Variants in MTIF2 observed in about 807,000 individuals in gnomAD.
MTIF2 encodes translation initiation factor IF-2, mitochondrial.
A neutral mutation model predicts 83.5 loss-of-function variants in MTIF2; 71 were observed. The ratio of observed to expected loss-of-function variants is 0.85; its 90% CI spans 0.70 to 1.04. MTIF2 has a LOEUF of 1.04. MTIF2 is among the 50% of genes least tolerant of loss of function. The probability of loss-of-function intolerance (pLI) is 0.00; values close to 1 mark genes in which losing one functional copy is unlikely to be tolerated. For synonymous variants in MTIF2, 319 were observed against 287.1 expected, an observed-to-expected ratio of 1.11 and a Z score of -1.12; for missense variants, 957 against 846.5, an observed-to-expected ratio of 1.13 and a Z score of -1.62.
intron 13 of MTIF2, among the ~76,000 whole-genome samples, chr2:55,241,247 G>A (rs1158881531): frequency 6.6e-6 from 1 of 150,892 alleles, no homozygotes; most frequent in Non-Finnish European, 1.5e-5. Context: ...GTGACACCCT[G>A]TCTCTACTAA....
chr2:55,259,017 T>A (rs1270555589), intron 5 of MTIF2, among the ~76,000 whole-genome samples: 1 of 152,096 alleles, frequency 6.6e-6, no homozygotes, highest in Non-Finnish European at 1.5e-5. Context: ...TTTCTAATAA[T>A]GGTAACAATA....
In MTIF2 at chr2:55,254,154, G is replaced by C. The variant is rs1206295730; in HGVS notation, c.551C>G (p.Thr184Ser). The change falls in exon 7 of 16, where the codon ACT becomes AGT. Residue 184 changes from threonine to serine, a missense_variant. Physicochemically the swap from Thr to Ser is moderately conservative, Grantham distance 58. Transcript: ENST00000263629. ...CCCGTGATCAACATGGCCCATTATA[G>C]TAACAACTGGGGACCTTGGGGTTAA... is the stretch of plus-strand genomic sequence containing the variant. ...ALLTPRSPVVTIMGHVDHGKT... is the reference protein window; with the variant it reads ...ALLTPRSPVVSIMGHVDHGKT... The C allele has an allele frequency of 6.2e-7, 1 of 1,614,158 alleles. No individual in the cohort carries two copies. The highest frequency in any genetic ancestry group is 1.1e-5 in the South Asian group (1 of 91,082).
chr2:55,263,663 A>C lies in MTIF2; in HGVS notation c.196T>G (p.Tyr66Asp), dbSNP rs1678212410. The C allele has an allele frequency of 6.2e-7, 1 of 1,613,688 alleles. No homozygotes were observed. The highest frequency in any genetic ancestry group is 1.7e-5 in the Admixed American group (1 of 59,930). The change falls in exon 4 of 16, where the codon TAT (tyrosine) becomes GAT (aspartate). Residue 66 changes from tyrosine (Y) to aspartate (D), a missense_variant. Coordinates refer to ENST00000263629, the MANE Select transcript of MTIF2 (RefSeq NM_002453.3). ...ACCTTTTTTGTTACTAGAAGCCTAT[A>C]CTGAGATAAAGCAGCCCCAGTGAGC... ...DVLTGAALSQ[Y>D]RLLVTKKEEG...
At position 55,246,330 on chromosome 2, in the gene MTIF2, G is replaced by T. The variant is rs778789001; in HGVS notation, c.1106+7C>A. The T allele has an allele frequency of 3.7e-6, 6 of 1,611,514 alleles. No individual in the cohort carries two copies. The highest frequency in any genetic ancestry group is 5.1e-6 in the Non-Finnish European group (6 of 1,178,482). ...AATTAAAAAGGCAAGCATTTTAAGA[G>T]TCCTACCCTCTTCCTTTGTCTGTGA... On this transcript the variant is annotated splice_region_variant and intron_variant, in intron 10 of 15. Coordinates refer to ENST00000263629, the MANE Select transcript of MTIF2 (RefSeq NM_002453.3).
At position 55,267,620 on chromosome 2, in the gene MTIF2, C is replaced by G. The variant is rs902580568; in HGVS notation, c.-59G>C. On this transcript the variant is annotated 5_prime_UTR_variant, in exon 3 of 16. Coordinates refer to ENST00000263629, the MANE Select transcript of MTIF2 (RefSeq NM_002453.3). ...AGCAAGTCACTTGTTTCCTATGGGCCTCATTTTCCGGATCTCTGTTAAAAA... is the reference window on the plus strand; with the variant it reads ...AGCAAGTCACTTGTTTCCTATGGGCGTCATTTTCCGGATCTCTGTTAAAAA... 6.0e-6 allele frequency: 1 copy of G among 166,200 alleles called. No homozygotes were observed. Among genetic ancestry groups the G allele is most frequent in the African/African-American group, 2.4e-5 (1 of 41,444 alleles). The allele number at this position is 166,200 out of a possible 1,614,324, so 10.3% of individuals were successfully genotyped here. A position where few individuals can be genotyped will look rare whatever the true frequency, so the allele number is the denominator to read the frequency against.
intron 8 of MTIF2, among the ~76,000 whole-genome samples, chr2:55,250,417 CAA>C (rs377703766): frequency 2.3e-4 from 23 of 100,166 alleles, no homozygotes; most frequent in Non-Finnish European, 2.9e-4. Context: ...AGATAATCTC[CAA>C]AAAAAAAAAA....
At chr2:55,249,664 C>A in intron 8 of MTIF2, 130 bp from the exon 9 acceptor site, 2 of 991,324 alleles carry the variant, frequency 2.0e-6, no homozygotes, top group Non-Finnish European at 2.9e-6. Flanking sequence ...AACAAAAGGC[C>A]AAAATGACCC....
At chr2:55,244,855 TG>T (rs929484464) in intron 10 of MTIF2, among the ~76,000 whole-genome samples, 17 of 152,148 alleles carry the variant, frequency 1.1e-4, no homozygotes, top group African/African-American at 4.1e-4. Flanking sequence ...AAGACCAGCC[TG>T]GCCAACATGG....
At chr2:55,258,450 C>G (rs1252093685) in intron 5 of MTIF2, among the ~76,000 whole-genome samples, 3 of 152,104 alleles carry the variant, frequency 2.0e-5, no homozygotes, top group African/African-American at 7.2e-5. Flanking sequence ...GGGTGGATCA[C>G]CTGAGGTCAG....
chr2:55,268,278 T>C (rs1001502230), intron 2 of MTIF2, among the ~76,000 whole-genome samples: 1 of 152,054 alleles, frequency 6.6e-6, no homozygotes, highest in Admixed American at 6.6e-5. Context: ...ATTTGGAAAT[T>C]CATTCAATAG....
Position 55,256,714 on chromosome 2 carries a change from A to T in MTIF2, c.332-1889T>A, listed in dbSNP as rs868283368. Among the ~76,000 whole-genome samples the T allele has an allele frequency of 3.9e-4, 58 of 149,648 alleles. No individual in the cohort carries two copies. The Middle Eastern group carries it at 0.017, about 44-fold the overall frequency. The stretch of plus-strand genomic sequence containing the variant: ...AGACTCCATCTCAAAAAAAAAAAAA[A>T]TTTTTTTTGAGACAGGGTCTTACAC... On this transcript the variant is annotated intron_variant, in intron 5 of 15. Transcript: ENST00000263629.
chr2:55,258,845 T>C (rs926026297), intron 5 of MTIF2, among the ~76,000 whole-genome samples: 28 of 148,934 alleles, frequency 1.9e-4, no homozygotes, highest in Non-Finnish European at 2.5e-4. Context: ...TAGCCAGGCA[T>C]GTTAGGCACC....
At chr2:55,268,863 T>C (rs1678627348) in intron 1 of MTIF2, 124 bp from the exon 2 acceptor site, 1 of 152,008 alleles carries the variant, frequency 6.6e-6, no homozygotes, top group African/African-American at 2.4e-5. Flanking sequence ...GGATCTGGGG[T>C]GGCTCGCCTC....
intron 4 of MTIF2, 106 bp from the exon 5 acceptor site, chr2:55,262,533 T>C (rs542039383): frequency 3.1e-5 from 14 of 455,516 alleles, no homozygotes; most frequent in East Asian, 2.1e-4. Flanking sequence ...ATTTCTTTCT[T>C]TTTTTTTCTT....
chr2:55,238,691 G>A (rs1042667646), intron 14 of MTIF2, among the ~76,000 whole-genome samples: 2 of 151,906 alleles, frequency 1.3e-5, no homozygotes, highest in Non-Finnish European at 2.9e-5. Flanking sequence ...ATGCCCGGCC[G>A]AGTCTGTTTT....
At chr2:55,262,283 C>T (rs770496027) in intron 5 of MTIF2, 33 bp downstream of exon 5, 4 of 1,429,880 alleles carry the variant, frequency 2.8e-6, no homozygotes, top group Non-Finnish European at 3.0e-6. Flanking sequence ...TCCAACATTC[C>T]CATATTTTGC....
At chr2:55,241,930 C>T (rs1393642100) in intron 13 of MTIF2, among the ~76,000 whole-genome samples, 1 of 151,944 alleles carries the variant, frequency 6.6e-6, no homozygotes, top group African/African-American at 2.4e-5. Context: ...GGTAGACCAC[C>T]TAGGTCAGGG....
chr2:55,241,189 G>C (rs1481113118), intron 13 of MTIF2, among the ~76,000 whole-genome samples: 1 of 151,434 alleles, frequency 6.6e-6, no homozygotes, highest in Non-Finnish European at 1.5e-5. Context: ...AGGCCGAGGT[G>C]GGTGGATCAC....
intron 5 of MTIF2, 84 bp downstream of exon 5, chr2:55,262,232 T>C: frequency 1.1e-6 from 1 of 914,080 alleles, no homozygotes; most frequent in South Asian, 1.4e-5. Context: ...GTTTTTAATC[T>C]TTCAATGCCT....
Sources: allele counts gnomAD v4.1 joint callset (sites outside exome capture counted in the v4.1 genomes callset), GRCh38; gene constraint gnomAD v4.1.1; transcripts MANE v1.5; gene names NCBI Gene and HGNC (gene_info 2026-07-23, HGNC 2026-07-21).